The following MYO5A variants were observed in gnomAD, a reference collection of about 807,000 sequenced individuals.
MYO5A encodes myosin VA.
Under a neutral mutation model 249.7 loss-of-function variants are expected in MYO5A, and 98 were observed. That is an observed-to-expected ratio of 0.39 (90% CI 0.33 to 0.46). The LOEUF is 0.46. Ranked by LOEUF, MYO5A falls within the 20% of genes least tolerant of loss-of-function variation. MYO5A has a pLI of 0.98. For synonymous variants in MYO5A, 778 were observed against 810.6 expected (o/e 0.96, Z 0.68); for missense variants, 1,696 against 2,308.8 (o/e 0.73, Z 5.44).
At chr15:52,401,533 C>T (rs569650381) in intron 9 of MYO5A, among the ~76,000 whole-genome samples, 69 of 152,294 alleles carry the variant, frequency 4.5e-4, no homozygotes, top group African/African-American at 1.5e-3. Flanking sequence ...GGGAAGTGAG[C>T]TATCAGATTA....
In MYO5A at chr15:52,397,181, A is replaced by T. The variant is rs764534609; in HGVS notation, c.1319+20T>A. ...AGAAAGAAATGTTCTCTGGCAGACC[A>T]ATTAGCCAAATATACTCACCCGTAA... On this transcript the variant is annotated intron_variant, in intron 10 of 41. Transcript: ENST00000399233. 1.2e-6 allele frequency: 2 copies of T among 1,613,248 alleles called. No homozygotes were observed. The highest frequency in any genetic ancestry group is 3.3e-5 in the Admixed American group (2 of 60,014).
intron 36 of MYO5A, among the ~76,000 whole-genome samples, chr15:52,326,658 CACTT>C (rs377277880): frequency 2.2e-4 from 33 of 152,266 alleles, no homozygotes; most frequent in African/African-American, 7.5e-4. Context: ...AATGTGAACA[CACTT>C]AATGCCACGT....
chr15:52,392,867 C>T (rs2042308607), intron 11 of MYO5A, among the ~76,000 whole-genome samples: 2 of 152,238 alleles, frequency 1.3e-5, no homozygotes, highest in South Asian at 4.1e-4. Flanking sequence ...TAATCACAAG[C>T]TGTAGTAGTA....
chr15:52,408,796 A>C (rs964579495), intron 6 of MYO5A, among the ~76,000 whole-genome samples: 2 of 152,212 alleles, frequency 1.3e-5, no homozygotes, highest in African/African-American at 4.8e-5. Flanking sequence ...TCATTTTTAC[A>C]GTATACTCAG....
At chr15:52,409,750 G>C (rs1012591169) in intron 6 of MYO5A, among the ~76,000 whole-genome samples, 1 of 152,182 alleles carries the variant, frequency 6.6e-6, no homozygotes, top group African/African-American at 2.4e-5. Context: ...GCCTGCTAGT[G>C]ATGGAAATAT....
At chr15:52,428,794 T>A (rs1237971583) in intron 2 of MYO5A, among the ~76,000 whole-genome samples, 2 of 152,224 alleles carry the variant, frequency 1.3e-5, no homozygotes, top group African/African-American at 4.8e-5. Context: ...TAATATACTT[T>A]GAAAGCCATA....
chr15:52,415,954 C>T, intron 5 of MYO5A, 191 bp downstream of exon 5: 1 of 682,520 alleles, frequency 1.5e-6, no homozygotes, highest in South Asian at 1.9e-5. Context: ...TATAGCTGGG[C>T]TTTACTAAAA....
rs1427049525 is a variant in MYO5A at position 52,511,075 on chromosome 15, C to G, written c.27+17705G>C. 2.0e-5 allele frequency among the ~76,000 whole-genome samples: 3 copies of G among 152,232 alleles called. No homozygotes were observed. The East Asian group carries it at 5.8e-4, about 29-fold the overall frequency. On this transcript the variant is annotated intron_variant, in intron 1 of 41. Coordinates refer to ENST00000399233, the MANE Select transcript of MYO5A (RefSeq NM_001382347.1). The stretch of plus-strand genomic sequence containing the variant: ...CCACAGGCAGTGACTGAGGAGGCAA[C>G]TTCTGCATGGTCCACAGACTATTCT...
At chr15:52,388,659 A>C (rs908954584) in intron 13 of MYO5A, among the ~76,000 whole-genome samples, 1 of 152,218 alleles carries the variant, frequency 6.6e-6, no homozygotes. Flanking sequence ...TTCTAAGTAC[A>C]CTATAGAACT....
chr15:52,421,494 A>C (rs2043790977), intron 4 of MYO5A, among the ~76,000 whole-genome samples: 1 of 152,154 alleles, frequency 6.6e-6, no homozygotes, highest in African/African-American at 2.4e-5. Flanking sequence ...CTCCAAAGTA[A>C]GCAGGAGAGA....
At chr15:52,452,932 T>C (rs2076049642) in intron 1 of MYO5A, among the ~76,000 whole-genome samples, 1 of 151,334 alleles carries the variant, frequency 6.6e-6, no homozygotes, top group South Asian at 2.1e-4. Flanking sequence ...AAAACTACCC[T>C]AAAAGACTAA....
At chr15:52,505,757 G>C in intron 1 of MYO5A, 1 of 1,480,956 alleles carries the variant, frequency 6.8e-7, no homozygotes, top group Non-Finnish European at 9.3e-7. Context: ...CAAATACAGT[G>C]TGTAGTTGAG....
In MYO5A at chr15:52,321,876, T is replaced by C. The variant is rs1278128775; in HGVS notation, c.4801-367A>G. ...GTCAAACACTAAATTATCTAAATTATCTCTTAACTTCAGTTCTTTATAGTC... is the reference window on the plus strand; with the variant it reads ...GTCAAACACTAAATTATCTAAATTACCTCTTAACTTCAGTTCTTTATAGTC... On this transcript the variant is annotated intron_variant, in intron 37 of 41. Coordinates refer to ENST00000399233, the MANE Select transcript of MYO5A (RefSeq NM_001382347.1). Among the ~76,000 whole-genome samples, 4 of 151,970 alleles carry C rather than the reference T, an allele frequency of 2.6e-5. No individual in the cohort carries two copies. The East Asian group carries it at 7.7e-4, about 29-fold the overall frequency.
At chr15:52,433,546 G>A (rs1012833242) in intron 1 of MYO5A, among the ~76,000 whole-genome samples, 1 of 149,500 alleles carries the variant, frequency 6.7e-6, no homozygotes, top group African/African-American at 2.5e-5. Context: ...TCAGCCTCCT[G>A]AGTAGCTGGA....
intron 1 of MYO5A, among the ~76,000 whole-genome samples, chr15:52,487,366 T>C (rs1455982303): frequency 1.3e-5 from 2 of 150,924 alleles, no homozygotes; most frequent in African/African-American, 2.4e-5. Context: ...CAGTGAGCCA[T>C]GATCACACCA....
chr15:52,321,792 T>TAAAAAAAAAAAAAA (rs71875115), intron 37 of MYO5A, among the ~76,000 whole-genome samples: 6 of 92,842 alleles, frequency 6.5e-5, no homozygotes, highest in Non-Finnish European at 1.3e-4. Flanking sequence ...GGAACTTAAC[T>TAAAAAAAAAAAAAA]AAAAAAAAAA....
chr15:52,407,909 G>T, intron 7 of MYO5A, 150 bp downstream of exon 7: 1 of 630,850 alleles, frequency 1.6e-6, no homozygotes, highest in Non-Finnish European at 2.8e-6. Flanking sequence ...CTACCCCTAT[G>T]GGTTATTTTG....
chr15:52,415,699 T>C (rs1014259470), intron 5 of MYO5A, among the ~76,000 whole-genome samples: 1 of 152,192 alleles, frequency 6.6e-6, no homozygotes, highest in African/African-American at 2.4e-5. Flanking sequence ...AAATGAAATA[T>C]GGGCAAAGGA....
At chr15:52,421,271 A>G (rs2043777029) in intron 4 of MYO5A, among the ~76,000 whole-genome samples, 1 of 152,180 alleles carries the variant, frequency 6.6e-6, no homozygotes, top group South Asian at 2.1e-4. Flanking sequence ...CCACATAACC[A>G]AATGACGGAA....
Sources: gnomAD v4.1 joint callset for allele counts (sites outside exome capture counted in the v4.1 genomes callset) on GRCh38, gnomAD v4.1.1 for gene constraint, MANE v1.5 for transcripts, NCBI Gene and HGNC (gene_info 2026-07-23, HGNC 2026-07-21) for gene names.